Variants in DEFB119 observed in about 807,000 individuals in gnomAD.
DEFB119 encodes beta-defensin 119.
DEFB119 carries 3 observed loss-of-function variants against 2.5 expected under a neutral mutation model. The observed-to-expected ratio is 1.19, with a 90% CI of 0.54 to 3.07. The LOEUF (loss-of-function observed/expected upper bound fraction) is 3.07. Ranked by LOEUF, DEFB119 falls within the 30% of genes most tolerant of loss-of-function variation. The pLI, the probability that DEFB119 is intolerant of heterozygous loss-of-function variation, is 0.03. For missense variants in DEFB119, 113 were observed against 101.1 expected (o/e 1.12, Z -0.50); for synonymous variants, 29 against 33.7 (o/e 0.86, Z 0.48).
At chr20:31,378,499 C>T in intron 1 of DEFB119, 1 of 1,523,426 alleles carries the variant, frequency 6.6e-7, no homozygotes, top group Admixed American at 2.0e-5. Flanking sequence ...ACTCATCATA[C>T]TGAGAACCAG....
intron 1 of DEFB119, chr20:31,389,259 A>G (rs1235818834): frequency 6.2e-7 from 1 of 1,613,538 alleles, no homozygotes; most frequent in African/African-American, 1.3e-5. Context: ...ACAATTAAGC[A>G]GATGTTAGTA....
chr20:31,388,377 A>G, intron 1 of DEFB119: 1 of 924,132 alleles, frequency 1.1e-6, no homozygotes, highest in Non-Finnish European at 1.3e-6. Flanking sequence ...AGATTCTACA[A>G]TTACTCTAAT....
At chr20:31,389,116 T>C in intron 1 of DEFB119, 1 of 1,614,224 alleles carries the variant, frequency 6.2e-7, no homozygotes, top group Non-Finnish European at 8.5e-7. Context: ...TGTTACTGGT[T>C]GGATTGTTAA....
intron 1 of DEFB119, among the ~76,000 whole-genome samples, chr20:31,386,231 T>C (rs1206279142): frequency 6.6e-6 from 1 of 152,098 alleles, no homozygotes; most frequent in Admixed American, 6.6e-5. Flanking sequence ...TAGAGATTAA[T>C]GCAGAGAAAA....
intron 1 of DEFB119, 44 bp downstream of exon 1, chr20:31,390,379 G>A (rs1194295282): frequency 6.4e-7 from 1 of 1,564,958 alleles, no homozygotes; most frequent in South Asian, 1.1e-5. Flanking sequence ...AAGACGGGAA[G>A]CCCATGACCA....
chr20:31,382,102 A>C (rs1250590530), intron 1 of DEFB119, among the ~76,000 whole-genome samples: 1 of 152,214 alleles, frequency 6.6e-6, no homozygotes, highest in Non-Finnish European at 1.5e-5. Context: ...AAGTATACAC[A>C]TATATTGAAC....
rs1049469542 is a variant in DEFB119 at position 31,390,438 on chromosome 20, C to T, written c.46G>A (p.Glu16Lys). 1 of 1,612,756 alleles carries T rather than the reference C, an allele frequency of 6.2e-7. No homozygotes were observed. The highest frequency in any genetic ancestry group is 8.5e-7 in the Non-Finnish European group (1 of 1,179,532). ...LFLAILLAIE[E>K]PVISGKRHIL... ...TTCACGTTACCTGATATCACTGGTT[C>T]TTCTATGGCCAGAAGGATGGCAAGA... is the stretch of plus-strand genomic sequence containing the variant. The change falls in exon 1 of 2, where the codon GAA becomes AAA. Residue 16 changes from glutamate (E) to lysine (K), a missense_variant. Coordinates refer to ENST00000376321, the MANE Select transcript of DEFB119 (RefSeq NM_153289.4).
intron 1 of DEFB119, among the ~76,000 whole-genome samples, chr20:31,386,578 T>C (rs1986710435): frequency 6.6e-6 from 1 of 152,190 alleles, no homozygotes. Context: ...ATATTACTTG[T>C]TCTCACTCAT....
chr20:31,381,359 A>T (rs1248242889), intron 1 of DEFB119, among the ~76,000 whole-genome samples: 3 of 152,242 alleles, frequency 2.0e-5, no homozygotes, highest in African/African-American at 7.2e-5. Flanking sequence ...GATTTTCTAC[A>T]TAAACCATTA....
chr20:31,389,594 C>T (rs984338445), intron 1 of DEFB119, among the ~76,000 whole-genome samples: 7 of 152,088 alleles, frequency 4.6e-5, no homozygotes, highest in Non-Finnish European at 7.4e-5. Context: ...TATTAGGGAA[C>T]GAAGAGGATT....
chr20:31,377,992 C>T (rs1047516308), intron 1 of DEFB119, among the ~76,000 whole-genome samples: 30 of 152,240 alleles, frequency 2.0e-4, no homozygotes, highest in African/African-American at 6.5e-4. Flanking sequence ...GCCTCGACTT[C>T]TGCCCTCTCC....
At chr20:31,383,721 T>C (rs987564271) in intron 1 of DEFB119, among the ~76,000 whole-genome samples, 5 of 151,872 alleles carry the variant, frequency 3.3e-5, no homozygotes, top group African/African-American at 1.2e-4. Context: ...CAGGCGCCTG[T>C]AGTCCCAGCT....
intron 1 of DEFB119, chr20:31,388,439 G>T: frequency 2.6e-6 from 1 of 387,048 alleles, no homozygotes; most frequent in Non-Finnish European, 3.5e-6. Context: ...GAGTCTGCCA[G>T]TAGTAAGTGG....
At chr20:31,383,419 C>T (rs559449156) in intron 1 of DEFB119, among the ~76,000 whole-genome samples, 34 of 151,280 alleles carry the variant, frequency 2.2e-4, no homozygotes, top group African/African-American at 8.2e-4. Context: ...TGGTGTACAT[C>T]TATAATCCCA....
At chr20:31,389,458 G>A (rs1404608078) in intron 1 of DEFB119, among the ~76,000 whole-genome samples, 6 of 151,934 alleles carry the variant, frequency 3.9e-5, no homozygotes, top group Non-Finnish European at 8.8e-5. Flanking sequence ...GCCTTTTTTG[G>A]ACTTCTCACC....
chr20:31,389,619 A>G (rs897960548), intron 1 of DEFB119, among the ~76,000 whole-genome samples: 1 of 152,142 alleles, frequency 6.6e-6, no homozygotes, highest in African/African-American at 2.4e-5. Flanking sequence ...CACATTACAC[A>G]GACCCTGTTT....
chr20:31,378,338 G>A, intron 1 of DEFB119: 2 of 1,614,130 alleles, frequency 1.2e-6, no homozygotes, highest in Non-Finnish European at 1.7e-6. Flanking sequence ...AAATACACCT[G>A]GACTTCCACC....
chr20:31,382,137 A>G (rs1193403922), intron 1 of DEFB119, among the ~76,000 whole-genome samples: 2 of 152,208 alleles, frequency 1.3e-5, no homozygotes, highest in African/African-American at 4.8e-5. Flanking sequence ...TGGTTTTCAT[A>G]TTGTATTACA....
intron 1 of DEFB119, among the ~76,000 whole-genome samples, chr20:31,386,531 T>A (rs1986709114): frequency 2.6e-5 from 4 of 152,210 alleles, no homozygotes; most frequent in Admixed American, 2.6e-4. Flanking sequence ...TAGATGAGCA[T>A]GATGTTAAGT....
Sources: allele counts gnomAD v4.1 joint callset (sites outside exome capture counted in the v4.1 genomes callset), GRCh38; gene constraint gnomAD v4.1.1; transcripts MANE v1.5; gene names NCBI Gene and HGNC (gene_info 2026-07-23, HGNC 2026-07-21).